Variants in SORCS1 observed in about 807,000 individuals in gnomAD.
The protein encoded by SORCS1 is VPS10 domain-containing receptor SorCS1.
Under a neutral mutation model 146.1 loss-of-function variants are expected in SORCS1, and 60 were observed. The ratio of observed to expected loss-of-function variants is 0.41; its 90% CI spans 0.33 to 0.51. The LOEUF (loss-of-function observed/expected upper bound fraction) is 0.51. Ranked by LOEUF, SORCS1 falls within the 20% of genes least tolerant of loss-of-function variation. The pLI, the probability that SORCS1 is intolerant of heterozygous loss-of-function variation, is 0.21. For synonymous variants in SORCS1, 637 were observed against 584.0 expected, an observed-to-expected ratio of 1.09 and a Z score of -1.31; for missense variants, 1,352 against 1,487.6, an observed-to-expected ratio of 0.91 and a Z score of 1.50.
intron 17 of SORCS1, among the ~76,000 whole-genome samples, chr10:106,657,731 G>T (rs116700035): frequency 0.034 from 5,158 of 150,904 alleles, 143 homozygotes; most frequent in South Asian, 0.065. Context: ...TGACCTGAAG[G>T]TTAAAACTAG....
rs768812067 is a variant in SORCS1 at position 106,607,159 on chromosome 10, G to A, written c.3165+7C>T. ...GCTGAAAACGTCTCCTTTTCCAGGG[G>A]ACTCACCTGCTCCAGGTCATCAGTT... On this transcript the variant is annotated splice_region_variant and intron_variant, in intron 23 of 25. Transcript: ENST00000263054. 2 of 1,613,594 alleles carry A rather than the reference G, an allele frequency of 1.2e-6. No individual in the cohort carries two copies. The highest frequency in any genetic ancestry group is 1.1e-5 in the South Asian group (1 of 90,986).
chr10:107,026,107 G>A (rs1034883946), intron 1 of SORCS1, among the ~76,000 whole-genome samples: 1 of 152,110 alleles, frequency 6.6e-6, no homozygotes, highest in African/African-American at 2.4e-5. Context: ...TGGAGGTAAG[G>A]AATACATGAC....
At chr10:106,700,750 C>G (rs562886745) in intron 8 of SORCS1, among the ~76,000 whole-genome samples, 2 of 152,176 alleles carry the variant, frequency 1.3e-5, no homozygotes, top group Non-Finnish European at 2.9e-5. Flanking sequence ...CCGTTTATCA[C>G]AGTAAACTCG....
chr10:106,893,919 A>G (rs1951341938), intron 2 of SORCS1, among the ~76,000 whole-genome samples: 1 of 152,226 alleles, frequency 6.6e-6, no homozygotes, highest in African/African-American at 2.4e-5. Context: ...TTATCTTATA[A>G]AATGGAAGCT....
At chr10:106,817,846 G>A (rs1947817188) in intron 3 of SORCS1, among the ~76,000 whole-genome samples, 1 of 152,122 alleles carries the variant, frequency 6.6e-6, no homozygotes, top group Admixed American at 6.5e-5. Flanking sequence ...ATATTTTTCT[G>A]TTGTGAATGT....
At chr10:107,126,527 C>A (rs1047273092) in intron 1 of SORCS1, among the ~76,000 whole-genome samples, 2 of 152,028 alleles carry the variant, frequency 1.3e-5, no homozygotes, top group Non-Finnish European at 2.9e-5. Flanking sequence ...AAGAGAAGAA[C>A]CTTGTGAGAT....
At chr10:106,944,937 A>G (rs1270517044) in intron 2 of SORCS1, among the ~76,000 whole-genome samples, 1 of 123,292 alleles carries the variant, frequency 8.1e-6, no homozygotes, top group African/African-American at 3.1e-5. Context: ...TCAGGCTGAC[A>G]TGCAGTGATG....
intron 1 of SORCS1, among the ~76,000 whole-genome samples, chr10:107,065,415 T>TTTTTTCTTTCTTTC (rs1554937381): frequency 3.3e-5 from 4 of 120,470 alleles, no homozygotes; most frequent in African/African-American, 1.8e-4. Context: ...TCTCTCTTTC[T>TTTTTTCTTTCTTTC]TTTCTTTCTT....
At chr10:106,979,963 A>G (rs1459449250) in intron 1 of SORCS1, among the ~76,000 whole-genome samples, 1 of 152,224 alleles carries the variant, frequency 6.6e-6, no homozygotes, top group Non-Finnish European at 1.5e-5. Context: ...TAGTCCTTCA[A>G]ATGTTAGATA....
chr10:106,945,421 A>C (rs1389036754), intron 2 of SORCS1, among the ~76,000 whole-genome samples: 1 of 152,182 alleles, frequency 6.6e-6, no homozygotes, highest in Non-Finnish European at 1.5e-5. Flanking sequence ...ATTAAGCTTA[A>C]ATTTTGACAT....
intron 2 of SORCS1, among the ~76,000 whole-genome samples, chr10:106,881,169 C>G (rs1295402504): frequency 6.6e-6 from 1 of 151,856 alleles, no homozygotes; most frequent in Non-Finnish European, 1.5e-5. Flanking sequence ...TTATGCGGTC[C>G]AGTAAAATGA....
intron 2 of SORCS1, among the ~76,000 whole-genome samples, chr10:106,861,558 A>G (rs778353982): frequency 1.3e-5 from 2 of 152,182 alleles, no homozygotes; most frequent in African/African-American, 2.4e-5. Context: ...TAGCAGTGAC[A>G]ATGGAATTTA....
At chr10:107,098,038 T>C (rs909421636) in intron 1 of SORCS1, among the ~76,000 whole-genome samples, 2 of 152,230 alleles carry the variant, frequency 1.3e-5, no homozygotes, top group Non-Finnish European at 2.9e-5. Context: ...CAAAGCACTA[T>C]TGTGATAAGC....
chr10:106,727,085 CAAA>C (rs1255567074), intron 6 of SORCS1, among the ~76,000 whole-genome samples: 5 of 101,700 alleles, frequency 4.9e-5, no homozygotes, highest in African/African-American at 3.4e-5. Context: ...GACTCTGTCT[CAAA>C]AAAAAAAAAA....
intron 1 of SORCS1, among the ~76,000 whole-genome samples, chr10:107,086,786 T>C (rs751743869): frequency 1.3e-5 from 2 of 152,152 alleles, no homozygotes; most frequent in Non-Finnish European, 2.9e-5. Flanking sequence ...TCCCAGCACT[T>C]TGGGAGGCCA....
intron 1 of SORCS1, among the ~76,000 whole-genome samples, chr10:107,077,514 C>T (rs1022415812): frequency 6.6e-6 from 1 of 150,742 alleles, no homozygotes; most frequent in Non-Finnish European, 1.5e-5. Flanking sequence ...CTTAGGAAAA[C>T]GTACATATTT....
chr10:106,639,839 G>A (rs531764077), intron 18 of SORCS1, among the ~76,000 whole-genome samples: 10 of 152,212 alleles, frequency 6.6e-5, no homozygotes, highest in African/African-American at 2.2e-4. Context: ...CCAACATGGT[G>A]AAACTCCGTC....
chr10:106,640,052 A>G (rs1347535451), intron 18 of SORCS1, among the ~76,000 whole-genome samples: 1 of 152,114 alleles, frequency 6.6e-6, no homozygotes, highest in African/African-American at 2.4e-5. Context: ...TGCCTGCCTC[A>G]ACATAACACT....
rs1183370129 is a variant in SORCS1 at position 107,027,802 on chromosome 10, G to A, written c.559-71222C>T. On this transcript the variant is annotated intron_variant, in intron 1 of 25. Coordinates refer to ENST00000263054, the MANE Select transcript of SORCS1 (RefSeq NM_052918.5). ...CCAAACACAAACCATTATCTCTGTGGCAAATTATCTCTGTGGATTTCTGTC... is the reference window on the plus strand; with the variant it reads ...CCAAACACAAACCATTATCTCTGTGACAAATTATCTCTGTGGATTTCTGTC... Among the ~76,000 whole-genome samples the A allele has an allele frequency of 2.0e-5, 3 of 152,122 alleles. No individual in the cohort carries two copies. In the East Asian group the frequency reaches 5.8e-4, roughly 29 times the overall value.
Sources: gnomAD v4.1 joint callset for allele counts (sites outside exome capture counted in the v4.1 genomes callset) on GRCh38, gnomAD v4.1.1 for gene constraint, MANE v1.5 for transcripts, NCBI Gene and HGNC (gene_info 2026-07-23, HGNC 2026-07-21) for gene names.